The following SPON1 variants were observed in gnomAD, a reference collection of about 807,000 sequenced individuals.
The protein encoded by SPON1 is spondin 1, also known as spondin-1.
In SPON1, 52 loss-of-function variants were observed where a neutral mutation model predicts 111.7. The ratio of observed to expected loss-of-function variants is 0.47; its 90% CI spans 0.37 to 0.59. The LOEUF (loss-of-function observed/expected upper bound fraction) is 0.59. Among genes scored for constraint, SPON1 ranks in the 20% least tolerant of loss-of-function variants. The pLI is 0.00. For missense variants in SPON1, 957 were observed against 1,068.5 expected (o/e 0.90, Z 1.46); for synonymous variants, 410 against 395.8 (o/e 1.04, Z -0.43).
intron 5 of SPON1, among the ~76,000 whole-genome samples, chr11:14,108,386 A>G (rs1249572182): frequency 1.3e-5 from 2 of 152,184 alleles, no homozygotes; most frequent in African/African-American, 4.8e-5. Flanking sequence ...TCATGCTGAT[A>G]TCTTGGATAA....
At chr11:14,105,854 C>T (rs1238136475) in intron 5 of SPON1, among the ~76,000 whole-genome samples, 2 of 152,194 alleles carry the variant, frequency 1.3e-5, no homozygotes, top group Admixed American at 1.3e-4. Context: ...AAATAACACA[C>T]ACCTGTATTG....
intron 6 of SPON1, among the ~76,000 whole-genome samples, chr11:14,142,873 C>A (rs1180699683): frequency 1.3e-5 from 2 of 152,212 alleles, no homozygotes; most frequent in African/African-American, 2.4e-5. Context: ...CTCACGAAAG[C>A]TGGAATTGGA....
chr11:13,988,997 GC>G (rs1848207328), intron 2 of SPON1, among the ~76,000 whole-genome samples: 1 of 152,122 alleles, frequency 6.6e-6, no homozygotes, highest in Admixed American at 6.5e-5. Context: ...AGAGATATTG[GC>G]CTGAAATTTT....
intron 2 of SPON1, among the ~76,000 whole-genome samples, chr11:14,008,608 G>T (rs1167694997): frequency 6.6e-6 from 1 of 152,154 alleles, no homozygotes; most frequent in Non-Finnish European, 1.5e-5. Flanking sequence ...TGTTGCTAAA[G>T]TTAATAAACC....
chr11:14,222,064 A>T (rs1281621457), intron 6 of SPON1, among the ~76,000 whole-genome samples: 1 of 152,112 alleles, frequency 6.6e-6, no homozygotes, highest in Non-Finnish European at 1.5e-5. Flanking sequence ...CATCCTATGA[A>T]CTCATTTGGG....
At chr11:14,050,687 C>T (rs1263640899) in intron 3 of SPON1, among the ~76,000 whole-genome samples, 1 of 152,054 alleles carries the variant, frequency 6.6e-6, no homozygotes, top group Non-Finnish European at 1.5e-5. Context: ...GTGATTTGGT[C>T]AAGTGTTATT....
intron 6 of SPON1, among the ~76,000 whole-genome samples, chr11:14,231,542 C>T (rs1465054783): frequency 1.3e-5 from 2 of 152,124 alleles, no homozygotes; most frequent in Non-Finnish European, 2.9e-5. Flanking sequence ...TCCCTGGTTA[C>T]CTAGTTCCCT....
intron 2 of SPON1, among the ~76,000 whole-genome samples, chr11:14,020,659 A>C (rs377317475): frequency 6.6e-6 from 1 of 152,200 alleles, no homozygotes; most frequent in Non-Finnish European, 1.5e-5. Context: ...ACAAAAAAAG[A>C]GGGGTGATTG....
At chr11:14,229,467 G>A (rs1252917185) in intron 6 of SPON1, among the ~76,000 whole-genome samples, 2 of 152,196 alleles carry the variant, frequency 1.3e-5, no homozygotes, top group Non-Finnish European at 2.9e-5. Context: ...AGGCAGTAGT[G>A]AGAGGTCGCA....
intron 2 of SPON1, among the ~76,000 whole-genome samples, chr11:14,020,327 T>G (rs1423833762): frequency 1.3e-5 from 2 of 152,176 alleles, no homozygotes; most frequent in African/African-American, 4.8e-5. Flanking sequence ...CAGGGGTACA[T>G]CTGGCAGAGC....
intron 5 of SPON1, among the ~76,000 whole-genome samples, chr11:14,129,727 T>C (rs184564906): frequency 5.3e-5 from 8 of 152,290 alleles, no homozygotes; most frequent in Middle Eastern, 3.4e-3. Flanking sequence ...ATTTTCACAC[T>C]GCTATAAAGA....
rs1848351216 is a variant in SPON1, at chr11:14,191,941, ACAGC to A, written c.826-51388_826-51385del. 3.3e-5 allele frequency among the ~76,000 whole-genome samples: 5 copies of A among 152,332 alleles called. No individual in the cohort carries two copies. The South Asian group carries it at 1.0e-3, about 32-fold the overall frequency. Reference sequence around the variant, plus strand: ...AATGCCAGCCAGCCATGAAGTTTTTACAGCCATGTTTGTATAATTGAGGATTTTA... The same window carrying A: ...AATGCCAGCCAGCCATGAAGTTTTTACATGTTTGTATAATTGAGGATTTTA... On this transcript the variant is annotated intron_variant, in intron 6 of 15. Transcript: ENST00000576479.
chr11:14,027,691 A>G (rs1358933249), intron 2 of SPON1, among the ~76,000 whole-genome samples: 2 of 152,250 alleles, frequency 1.3e-5, no homozygotes, highest in African/African-American at 4.8e-5. Flanking sequence ...GGAGCAGGAT[A>G]GAGAGATGTA....
chr11:14,051,631 G>A (rs1158417449), intron 3 of SPON1, among the ~76,000 whole-genome samples: 1 of 152,074 alleles, frequency 6.6e-6, no homozygotes, highest in Admixed American at 6.5e-5. Flanking sequence ...CATGAAGAGG[G>A]CCTTTACAGG....
chr11:14,078,459 A>AT (rs1313830533), intron 4 of SPON1, among the ~76,000 whole-genome samples: 30 of 150,462 alleles, frequency 2.0e-4, no homozygotes, highest in Admixed American at 3.3e-4. Context: ...TAGGGAGGCA[A>AT]TTTTTTTTTT....
intron 2 of SPON1, among the ~76,000 whole-genome samples, chr11:14,001,119 C>G (rs1848314343): frequency 6.6e-6 from 1 of 152,146 alleles, no homozygotes; most frequent in Admixed American, 6.5e-5. Context: ...CTCCTCCACC[C>G]CCCAAGAAAT....
chr11:14,096,197 T>A (rs1554923862), intron 5 of SPON1, among the ~76,000 whole-genome samples: 3 of 152,200 alleles, frequency 2.0e-5, no homozygotes, highest in African/African-American at 7.2e-5. Flanking sequence ...GTCACTCATG[T>A]ATGGGTTGGG....
intron 6 of SPON1, among the ~76,000 whole-genome samples, chr11:14,238,152 ATAAT>A (rs1848887077): frequency 6.6e-6 from 1 of 152,204 alleles, no homozygotes; most frequent in African/African-American, 2.4e-5. Flanking sequence ...TAAAAAATAA[ATAAT>A]TATTGTTTTA....
At chr11:14,081,482 G>A (rs1408767869) in intron 5 of SPON1, among the ~76,000 whole-genome samples, 3 of 152,118 alleles carry the variant, frequency 2.0e-5, no homozygotes, top group African/African-American at 7.2e-5. Flanking sequence ...GAGATGTCAT[G>A]ATTTGCCCAC....
Sources: allele counts gnomAD v4.1 joint callset (sites outside exome capture counted in the v4.1 genomes callset), GRCh38; gene constraint gnomAD v4.1.1; transcripts MANE v1.5; gene names NCBI Gene and HGNC (gene_info 2026-07-23, HGNC 2026-07-21).